Variants in TPO observed in about 807,000 individuals in gnomAD.
The protein encoded by TPO is thyroid microsomal antigen.
In TPO, 78 loss-of-function variants were observed where a neutral mutation model predicts 96.9. The observed-to-expected ratio is 0.81, with a 90% CI of 0.67 to 0.97. The LOEUF is 0.97. Among genes scored for constraint, TPO ranks in the 50% least tolerant of loss-of-function variants. The pLI, the probability that TPO is intolerant of heterozygous loss-of-function variation, is 0.00. For missense variants in TPO, 1,252 were observed against 1,274.8 expected (o/e 0.98, Z 0.27); for synonymous variants, 547 against 538.0 (o/e 1.02, Z -0.23).
intron 5 of TPO, among the ~76,000 whole-genome samples, chr2:1,449,963 G>A (rs917983582): frequency 3.3e-5 from 5 of 152,184 alleles, no homozygotes; most frequent in East Asian, 1.9e-4. Flanking sequence ...AAAAATCACC[G>A]CTGAGTTTCC....
intron 1 of TPO, 37 bp downstream of exon 1, chr2:1,413,582 A>G (rs1186186967): frequency 2.5e-6 from 2 of 806,828 alleles, no homozygotes; most frequent in Non-Finnish European, 3.0e-6. Context: ...CCATTTTCTA[A>G]GAGAAATTCA....
Position 1,542,756 on chromosome 2 carries a change from C to T in TPO, c.*282C>T. ...ATCTTTATTTTGTGAACCCTGGAAACACCACTCTTGCAATCCTCCTGTCTC... is the reference window on the plus strand; with the variant it reads ...ATCTTTATTTTGTGAACCCTGGAAATACCACTCTTGCAATCCTCCTGTCTC... On this transcript the variant is annotated 3_prime_UTR_variant, in exon 17 of 17. Coordinates refer to ENST00000329066, the MANE Select transcript of TPO (RefSeq NM_001206744.2). 1.2e-6 allele frequency: 1 copy of T among 861,550 alleles called. No homozygotes were observed. Among genetic ancestry groups the T allele is most frequent in the Non-Finnish European group, 1.7e-6 (1 of 578,708 alleles). 53.4% of individuals were successfully genotyped at this position (861,550 alleles called of 1,614,324 possible). A position where few individuals can be genotyped will look rare whatever the true frequency, so the allele number is the denominator to read the frequency against.
rs1379892903 is a variant in TPO, at chr2:1,484,583, C to T, written c.1339-13C>T. 1 of 1,614,044 alleles carries T rather than the reference C, an allele frequency of 6.2e-7. No individual in the cohort carries two copies. Among genetic ancestry groups the T allele is most frequent in the South Asian group, 1.1e-5 (1 of 91,080 alleles). Reference sequence around the variant, plus strand: ...TCCTGGGCCTCACTGAGATGCTTTTCCTATCTGCACAGATCATCACCCTGA... The same window carrying T: ...TCCTGGGCCTCACTGAGATGCTTTTTCTATCTGCACAGATCATCACCCTGA... On this transcript the variant is annotated splice_polypyrimidine_tract_variant and intron_variant, in intron 8 of 16. Transcript: ENST00000329066.
intron 3 of TPO, among the ~76,000 whole-genome samples, chr2:1,433,219 C>T (rs960522891): frequency 6.6e-6 from 1 of 152,154 alleles, no homozygotes; most frequent in Non-Finnish European, 1.5e-5. Flanking sequence ...CCTCATCATT[C>T]AATACTGATG....
At chr2:1,394,104 G>C (rs916299805) in intron 1 of TPO, among the ~76,000 whole-genome samples, 3 of 152,170 alleles carry the variant, frequency 2.0e-5, no homozygotes, top group Admixed American at 6.5e-5. Flanking sequence ...AATATGTCCA[G>C]CAGCCCCCAA....
chr2:1,400,586 A>G (rs1427088497), intron 1 of TPO, among the ~76,000 whole-genome samples: 1 of 150,418 alleles, frequency 6.6e-6, no homozygotes, highest in Non-Finnish European at 1.5e-5. Flanking sequence ...AAAAAAAAAA[A>G]AAGAAATATT....
intron 5 of TPO, among the ~76,000 whole-genome samples, chr2:1,441,870 A>G (rs111652681): frequency 6.6e-6 from 1 of 152,216 alleles, no homozygotes; most frequent in Non-Finnish European, 1.5e-5. Context: ...CAAGTGCTCC[A>G]TGGCGGGATG....
At chr2:1,419,830 A>G (rs1367230030) in intron 2 of TPO, among the ~76,000 whole-genome samples, 1 of 152,250 alleles carries the variant, frequency 6.6e-6, no homozygotes, top group Non-Finnish European at 1.5e-5. Flanking sequence ...GCAGGAGTCC[A>G]GGCTAATAAC....
intron 15 of TPO, among the ~76,000 whole-genome samples, chr2:1,522,377 G>A (rs1384340176): frequency 8.8e-6 from 1 of 113,766 alleles, no homozygotes; most frequent in Non-Finnish European, 1.8e-5. Context: ...GCCCGCCACC[G>A]TGCCCTCACA....
chr2:1,442,100 T>C (rs1666252359), intron 5 of TPO, among the ~76,000 whole-genome samples: 1 of 152,202 alleles, frequency 6.6e-6, no homozygotes, highest in Non-Finnish European at 1.5e-5. Flanking sequence ...CATGACCTGC[T>C]CCTCCTTGCC....
intron 7 of TPO, among the ~76,000 whole-genome samples, chr2:1,457,765 T>C (rs555242796): frequency 7.8e-4 from 118 of 152,150 alleles, no homozygotes; most frequent in Non-Finnish European, 1.4e-3. Context: ...TGGGCACATG[T>C]ATTGGCACAT....
intron 8 of TPO, among the ~76,000 whole-genome samples, chr2:1,478,661 TCA>T (rs1315462335): frequency 7.2e-5 from 11 of 152,020 alleles, no homozygotes; most frequent in Admixed American, 7.2e-4. Flanking sequence ...CAGCAGGCCC[TCA>T]CACTTCTCCG....
intron 15 of TPO, among the ~76,000 whole-genome samples, chr2:1,530,184 CCAACCT>C (rs1677756747): frequency 5.5e-5 from 2 of 36,536 alleles, no homozygotes; most frequent in Non-Finnish European, 9.4e-5. Context: ...CCCACTGTGT[CCAACCT>C]CCCCAAATCC....
intron 10 of TPO, among the ~76,000 whole-genome samples, chr2:1,491,183 A>C (rs1051477788): frequency 6.6e-6 from 1 of 151,826 alleles, no homozygotes; most frequent in Non-Finnish European, 1.5e-5. Context: ...AAAAACCAAA[A>C]AAACACTTTT....
intron 10 of TPO, among the ~76,000 whole-genome samples, chr2:1,493,490 C>A (rs555772445): frequency 2.5e-4 from 36 of 143,278 alleles, no homozygotes; most frequent in Non-Finnish European, 4.1e-4. Context: ...CTCTGCCCGG[C>A]ATCTGAGCTG....
At position 1,493,860 on chromosome 2, in the gene TPO, G is replaced by A; in HGVS notation, c.1827G>A (p.Leu609=). 2 of 1,614,174 alleles carry A rather than the reference G, an allele frequency of 1.2e-6. No individual in the cohort carries two copies. The highest frequency in any genetic ancestry group is 8.5e-7 in the Non-Finnish European group (1 of 1,180,026). Residue 609 remains leucine, a synonymous_variant, in exon 11 of 17, where the codon CTG becomes CTA. Coordinates refer to ENST00000329066, the MANE Select transcript of TPO (RefSeq NM_001206744.2). The stretch of plus-strand genomic sequence containing the variant: ...CTCGCCTGGAGACCCCCGCTGACCT[G>A]AGCACAGCCATCGCCAGCAGGAGCG... ...GLPRLETPAD[L]STAIASRSVA...
chr2:1,412,945 G>C (rs1334595991), upstream of TPO, among the ~76,000 whole-genome samples: 2 of 152,132 alleles, frequency 1.3e-5, no homozygotes, highest in African/African-American at 4.8e-5. Flanking sequence ...AATGCATGCT[G>C]GTGAACACAC....
chr2:1,420,410 TCA>T (rs1663390114), intron 2 of TPO, among the ~76,000 whole-genome samples: 1 of 152,198 alleles, frequency 6.6e-6, no homozygotes, highest in Admixed American at 6.5e-5. Flanking sequence ...GAAGAGACTC[TCA>T]GTGATAGGAT....
At chr2:1,526,813 CA>C (rs1676633372) in intron 15 of TPO, among the ~76,000 whole-genome samples, 1 of 134,320 alleles carries the variant, frequency 7.4e-6, no homozygotes, top group East Asian at 2.7e-4. Flanking sequence ...AAATCCCCCC[CA>C]ATCTATGCAA....
Sources: gnomAD v4.1 joint callset for allele counts (sites outside exome capture counted in the v4.1 genomes callset) on GRCh38, gnomAD v4.1.1 for gene constraint, MANE v1.5 for transcripts, NCBI Gene and HGNC (gene_info 2026-07-23, HGNC 2026-07-21) for gene names.